The following ARHGEF38 variants were observed in gnomAD, a reference collection of about 807,000 sequenced individuals.
The protein encoded by ARHGEF38 is Rho guanine nucleotide exchange factor 38, also known as Rho guanine nucleotide exchange factor (GEF) 38.
In ARHGEF38, 79 loss-of-function variants were observed where a neutral mutation model predicts 79.9. The ratio of observed to expected loss-of-function variants is 0.99; its 90% CI spans 0.82 to 1.19. The LOEUF (loss-of-function observed/expected upper bound fraction) is 1.19. Ranked by LOEUF, ARHGEF38 falls within the 50% of genes most tolerant of loss-of-function variation. The probability of loss-of-function intolerance (pLI) is 0.00; values close to 1 mark genes in which losing one functional copy is unlikely to be tolerated. For synonymous variants in ARHGEF38, 366 were observed against 328.3 expected (o/e 1.11, Z -1.24); for missense variants, 962 against 907.2 (o/e 1.06, Z -0.78).
chr4:105,611,520 T>G (rs1023887335), intron 2 of ARHGEF38, among the ~76,000 whole-genome samples: 1 of 152,070 alleles, frequency 6.6e-6, no homozygotes, highest in Non-Finnish European at 1.5e-5. Flanking sequence ...AATAATGAAG[T>G]ATTATTAAAT....
At position 105,572,195 on chromosome 4, in the gene ARHGEF38, C is replaced by T. The variant is rs1456875414; in HGVS notation, c.197-17053C>T. 4.6e-5 allele frequency among the ~76,000 whole-genome samples: 5 copies of T among 108,890 alleles called. No individual in the cohort carries two copies. In the South Asian group the frequency reaches 1.6e-3, roughly 34 times the overall value. The allele number at this position is 108,890 out of a possible 152,430, so 71.4% of individuals were successfully genotyped here. A position where few individuals can be genotyped will look rare whatever the true frequency, so the allele number is the denominator to read the frequency against. The stretch of plus-strand genomic sequence containing the variant: ...AATTGCCTTGCACTCCAAATAAAAA[C>T]TATTATGAATTTTAAAACATGACTT... On this transcript the variant is annotated intron_variant, in intron 1 of 13. Transcript: ENST00000420470.
chr4:105,620,346 A>G (rs1314901930), intron 3 of ARHGEF38, among the ~76,000 whole-genome samples: 1 of 152,164 alleles, frequency 6.6e-6, no homozygotes, highest in Non-Finnish European at 1.5e-5. Context: ...TACAAAACCT[A>G]ATTGAACTTC....
chr4:105,606,351 T>G (rs11735213), intron 2 of ARHGEF38, among the ~76,000 whole-genome samples: 9,222 of 152,122 alleles, frequency 0.061, 306 homozygotes, highest in Middle Eastern at 0.12. Context: ...TCTACAATTG[T>G]TGTATTAAAT....
intron 5 of ARHGEF38, among the ~76,000 whole-genome samples, chr4:105,639,511 T>A (rs1729535584): frequency 6.6e-6 from 1 of 152,002 alleles, no homozygotes; most frequent in Non-Finnish European, 1.5e-5. Context: ...TATGGTTTAA[T>A]TTTTAGATTT....
Position 105,552,899 on chromosome 4 carries a change from A to G in ARHGEF38, c.134A>G (p.Asp45Gly). Residue 45 changes from aspartate to glycine, a missense_variant, in exon 1 of 14, where the codon GAC becomes GGC. Asp to Gly is a moderately conservative substitution (Grantham distance 94). Coordinates refer to ENST00000420470, the MANE Select transcript of ARHGEF38 (RefSeq NM_001242729.2). The stretch of plus-strand genomic sequence containing the variant: ...GTGGTTGAGAGCAGTGTTTCTGGGG[A>G]CCACTCTGGCACCTTGAGGAGGAGC... The part of the protein sequence containing the change: ...DTVVESSVSG[D>G]HSGTLRRSQS... 6.2e-7 allele frequency: 1 copy of G among 1,613,920 alleles called. No individual in the cohort carries two copies. Among genetic ancestry groups the G allele is most frequent in the Non-Finnish European group, 8.5e-7 (1 of 1,179,872 alleles).
At chr4:105,582,300 A>ATT (rs55720949) in intron 1 of ARHGEF38, among the ~76,000 whole-genome samples, 12 of 138,732 alleles carry the variant, frequency 8.6e-5, no homozygotes, top group African/African-American at 2.6e-4. Flanking sequence ...GGCTTATTGT[A>ATT]TTTTTTTTTT....
chr4:105,644,265 A>T (rs1476166257), intron 5 of ARHGEF38, among the ~76,000 whole-genome samples: 1 of 152,222 alleles, frequency 6.6e-6, no homozygotes, highest in Non-Finnish European at 1.5e-5. Flanking sequence ...TATCCATAGC[A>T]ATACTTTAAA....
At chr4:105,661,660 T>A (rs10028995) in intron 10 of ARHGEF38, among the ~76,000 whole-genome samples, 1,549 of 152,128 alleles carry the variant, frequency 0.01, 33 homozygotes, top group African/African-American at 0.035. Context: ...ACTGCACATC[T>A]CAATCAATAT....
intron 1 of ARHGEF38, among the ~76,000 whole-genome samples, chr4:105,561,953 G>A (rs1181444134): frequency 6.6e-6 from 1 of 152,164 alleles, no homozygotes; most frequent in East Asian, 1.9e-4. Flanking sequence ...CATGGGAGAA[G>A]CTAATGGAAG....
chr4:105,648,848 TTCTCTCTCTC>T (rs374420145), intron 7 of ARHGEF38, among the ~76,000 whole-genome samples, 166 bp downstream of exon 7: 2 of 108,642 alleles, frequency 1.8e-5, no homozygotes, highest in African/African-American at 5.5e-5. Context: ...CTCTCTCTCT[TTCTCTCTCTC>T]TCTCTCTCTC....
intron 1 of ARHGEF38, among the ~76,000 whole-genome samples, chr4:105,580,756 A>G (rs1340949642): frequency 6.6e-6 from 1 of 152,104 alleles, no homozygotes; most frequent in African/African-American, 2.4e-5. Flanking sequence ...TCTGTTGCCT[A>G]GGCTGGAGTG....
intron 2 of ARHGEF38, among the ~76,000 whole-genome samples, chr4:105,608,044 C>T (rs966103190): frequency 2.0e-5 from 3 of 152,110 alleles, no homozygotes; most frequent in Non-Finnish European, 2.9e-5. Context: ...TGGGAAGTCC[C>T]AGATCAAGAT....
intron 2 of ARHGEF38, among the ~76,000 whole-genome samples, chr4:105,597,605 T>C (rs536350490): frequency 1.3e-5 from 2 of 152,356 alleles, no homozygotes; most frequent in African/African-American, 4.8e-5. Flanking sequence ...TCTAAAACTC[T>C]GTCTCTTCCA....
chr4:105,569,406 G>A (rs183140764), intron 1 of ARHGEF38, among the ~76,000 whole-genome samples: 7 of 152,260 alleles, frequency 4.6e-5, no homozygotes, highest in East Asian at 3.9e-4. Context: ...GCCAAGGAGG[G>A]CAATTTCCTG....
At chr4:105,670,244 A>G (rs183648535) in intron 13 of ARHGEF38, among the ~76,000 whole-genome samples, 1 of 152,312 alleles carries the variant, frequency 6.6e-6, no homozygotes, top group Admixed American at 6.5e-5. Context: ...TTAGATTCCT[A>G]CCAGCAAAGT....
intron 1 of ARHGEF38, among the ~76,000 whole-genome samples, chr4:105,561,337 AG>A (rs1725514010): frequency 6.6e-6 from 1 of 151,740 alleles, no homozygotes; most frequent in Non-Finnish European, 1.5e-5. Context: ...GGGAGGCAGA[AG>A]TTACAGTAAG....
chr4:105,631,136 A>C, intron 4 of ARHGEF38, 91 bp downstream of exon 4: 1 of 1,426,882 alleles, frequency 7.0e-7, no homozygotes, highest in Non-Finnish European at 9.2e-7. Context: ...TCTCACATAA[A>C]TCCTATGTTT....
chr4:105,681,321 C>A (rs1731303772), downstream of ARHGEF38, among the ~76,000 whole-genome samples: 2 of 151,154 alleles, frequency 1.3e-5, no homozygotes, highest in Admixed American at 1.3e-4. Flanking sequence ...ATTTTAAAAG[C>A]TTTGTGTTTA....
intron 5 of ARHGEF38, among the ~76,000 whole-genome samples, chr4:105,639,381 G>A (rs1039654646): frequency 6.6e-6 from 1 of 151,580 alleles, no homozygotes; most frequent in Admixed American, 6.6e-5. Flanking sequence ...AAAATTTTAC[G>A]GAGCTAAATT....
Sources: gnomAD v4.1 joint callset for allele counts (sites outside exome capture counted in the v4.1 genomes callset) on GRCh38, gnomAD v4.1.1 for gene constraint, MANE v1.5 for transcripts, NCBI Gene and HGNC (gene_info 2026-07-23, HGNC 2026-07-21) for gene names.